ATRNL1: variants seen among roughly 807,000 people sequenced by gnomAD.
The protein encoded by ATRNL1 is attractin-like protein 1.
A neutral mutation model predicts 182.7 loss-of-function variants in ATRNL1; 95 were observed. The observed-to-expected ratio is 0.52, with a 90% CI of 0.44 to 0.62. The LOEUF (loss-of-function observed/expected upper bound fraction) is 0.62, where lower values mean the gene tolerates loss of function less well. Ranked by LOEUF, ATRNL1 falls within the 20% of genes least tolerant of loss-of-function variation. The probability of loss-of-function intolerance (pLI) is 0.00; values close to 1 mark genes in which losing one functional copy is unlikely to be tolerated. For missense variants in ATRNL1, 1,471 were observed against 1,679.5 expected, an observed-to-expected ratio of 0.88 and a Z score of 2.17; for synonymous variants, 576 against 568.3, an observed-to-expected ratio of 1.01 and a Z score of -0.19.
intron 18 of ATRNL1, among the ~76,000 whole-genome samples, chr10:115,333,853 C>T (rs1260378885): frequency 6.6e-6 from 1 of 152,080 alleles, no homozygotes; most frequent in Non-Finnish European, 1.5e-5. Flanking sequence ...TATTGCCACA[C>T]TATTTTCTAT....
chr10:115,671,581 T>C (rs868940931), intron 26 of ATRNL1, among the ~76,000 whole-genome samples: 1 of 152,214 alleles, frequency 6.6e-6, no homozygotes. Flanking sequence ...CCTGAAGCTA[T>C]CTGAAAGAGT....
At chr10:115,097,971 TA>T (rs1391697038) in intron 1 of ATRNL1, among the ~76,000 whole-genome samples, 1 of 152,128 alleles carries the variant, frequency 6.6e-6, no homozygotes, top group African/African-American at 2.4e-5. Flanking sequence ...AATATATATA[TA>T]TGCATATGTA....
At chr10:115,286,488 T>G in intron 15 of ATRNL1, 91 bp downstream of exon 15, 1 of 742,512 alleles carries the variant, frequency 1.3e-6, no homozygotes, top group South Asian at 2.7e-5. Flanking sequence ...ACATTATTGT[T>G]GCTAATTTTG....
At chr10:115,308,698 T>C (rs1485647479) in intron 17 of ATRNL1, among the ~76,000 whole-genome samples, 3 of 152,130 alleles carry the variant, frequency 2.0e-5, no homozygotes, top group Non-Finnish European at 4.4e-5. Flanking sequence ...TTAGGAACAA[T>C]AGCATAGCCT....
chr10:115,232,292 A>G (rs1276436978), intron 9 of ATRNL1, among the ~76,000 whole-genome samples: 1 of 152,136 alleles, frequency 6.6e-6, no homozygotes, highest in Non-Finnish European at 1.5e-5. Context: ...TTTTTTGCCA[A>G]TATGGTGAGT....
chr10:115,199,800 A>G (rs1199401668), intron 8 of ATRNL1, among the ~76,000 whole-genome samples: 1 of 152,130 alleles, frequency 6.6e-6, no homozygotes, highest in African/African-American at 2.4e-5. Context: ...TCAGTAAACT[A>G]TTTTCAAGAA....
At chr10:115,402,641 T>C (rs1554957260) in intron 20 of ATRNL1, among the ~76,000 whole-genome samples, 1 of 152,194 alleles carries the variant, frequency 6.6e-6, no homozygotes, top group Non-Finnish European at 1.5e-5. Context: ...TTACTCTCTG[T>C]TCACAGTAAA....
rs781880377 is a variant in ATRNL1, at chr10:115,266,918, A to C, written c.1894A>C (p.Lys632Gln). The C allele has an allele frequency of 1.3e-5, 21 of 1,612,464 alleles. No homozygotes were observed. Among genetic ancestry groups the C allele is most frequent in the Middle Eastern group, 1.7e-4 (1 of 6,046 alleles). ...TTGTAAAAATGCTGGTCCAGGGATAAAATGTGTTTGGAATAAAAATCACTG... is the reference window on the plus strand; with the variant it reads ...TTGTAAAAATGCTGGTCCAGGGATACAATGTGTTTGGAATAAAAATCACTG... ...ELCKNAGPGI[K>Q]CVWNKNHCES... The change falls in exon 12 of 29, where the codon AAA becomes CAA. Residue 632 changes from lysine to glutamine, a missense_variant. Transcript: ENST00000355044.
At chr10:115,877,534 G>T (rs1475510843) in intron 28 of ATRNL1, among the ~76,000 whole-genome samples, 1 of 152,160 alleles carries the variant, frequency 6.6e-6, no homozygotes, top group East Asian at 1.9e-4. Context: ...TCATTTATTT[G>T]TATAAACAGG....
intron 8 of ATRNL1, among the ~76,000 whole-genome samples, chr10:115,183,224 A>G (rs1847814206): frequency 1.3e-5 from 2 of 151,478 alleles, no homozygotes. Flanking sequence ...CATTTAGAGC[A>G]GTTATCAGAA....
At chr10:115,846,186 T>C (rs1950923204) in intron 27 of ATRNL1, among the ~76,000 whole-genome samples, 1 of 152,092 alleles carries the variant, frequency 6.6e-6, no homozygotes, top group Non-Finnish European at 1.5e-5. Flanking sequence ...GGAACATTTT[T>C]ATGCCCTTTG....
chr10:115,131,246 A>G (rs984569283), intron 5 of ATRNL1, among the ~76,000 whole-genome samples: 3 of 152,076 alleles, frequency 2.0e-5, no homozygotes, highest in African/African-American at 4.8e-5. Context: ...GTGTATGCAT[A>G]TATACACATA....
rs571686234 is a variant in ATRNL1, at chr10:115,715,705, A to T, written c.3796-11543A>T. On this transcript the variant is annotated intron_variant, in intron 26 of 28. Transcript: ENST00000355044. ...AATAATCACAACAGTAAAACATGAA[A>T]AATGTATAATAAATACCAATGTGAA... Among the ~76,000 whole-genome samples the T allele has an allele frequency of 3.9e-4, 60 of 152,346 alleles. 1 individual carries two copies. In the South Asian group the frequency reaches 0.012, roughly 30 times the overall value.
chr10:115,555,265 T>C (rs1853246245), intron 26 of ATRNL1, among the ~76,000 whole-genome samples: 3 of 151,788 alleles, frequency 2.0e-5, no homozygotes, highest in Non-Finnish European at 4.4e-5. Context: ...GGAGTTATAC[T>C]GGGCAAGCAA....
At chr10:115,100,333 C>T (rs948307296) in intron 1 of ATRNL1, among the ~76,000 whole-genome samples, 3 of 151,868 alleles carry the variant, frequency 2.0e-5, no homozygotes, top group African/African-American at 7.3e-5. Flanking sequence ...AGAAAACTGC[C>T]TAAACCAAGT....
chr10:115,609,786 C>T (rs1433430419), intron 26 of ATRNL1, among the ~76,000 whole-genome samples: 4 of 152,014 alleles, frequency 2.6e-5, no homozygotes, highest in Admixed American at 6.6e-5. Context: ...TCAAATAGTT[C>T]GTTACACTGA....
chr10:115,821,555 A>G (rs951565849), intron 27 of ATRNL1, among the ~76,000 whole-genome samples: 12 of 152,178 alleles, frequency 7.9e-5, no homozygotes, highest in African/African-American at 2.4e-4. Context: ...CTCATGTGCA[A>G]AGACACACAT....
intron 5 of ATRNL1, among the ~76,000 whole-genome samples, chr10:115,144,338 C>T (rs1409649600): frequency 1.3e-5 from 2 of 151,948 alleles, no homozygotes; most frequent in Non-Finnish European, 2.9e-5. Flanking sequence ...TTAGTAGAGA[C>T]GGGGTTTCAT....
chr10:115,519,698 A>G (rs1554984736), intron 25 of ATRNL1, among the ~76,000 whole-genome samples: 4 of 152,170 alleles, frequency 2.6e-5, no homozygotes, highest in African/African-American at 7.2e-5. Flanking sequence ...AATTTTGTTA[A>G]TTGTGTGACA....
Sources: gnomAD v4.1 joint callset for allele counts (sites outside exome capture counted in the v4.1 genomes callset) on GRCh38, gnomAD v4.1.1 for gene constraint, MANE v1.5 for transcripts, NCBI Gene and HGNC (gene_info 2026-07-23, HGNC 2026-07-21) for gene names.